Variants in TCF12 observed in about 807,000 individuals in gnomAD.
TCF12 encodes the protein transcription factor 12.
A neutral mutation model predicts 86.0 loss-of-function variants in TCF12; 45 were observed. That is an observed-to-expected ratio of 0.52 (90% CI 0.41 to 0.67). The LOEUF is 0.67. TCF12 is among the 30% of genes least tolerant of loss of function. The pLI is 0.00. For missense variants in TCF12, 881 were observed against 859.9 expected, an observed-to-expected ratio of 1.02 and a Z score of -0.31; for synonymous variants, 330 against 299.6, an observed-to-expected ratio of 1.10 and a Z score of -1.05.
Position 57,197,152 on chromosome 15 carries a change from C to CTTTTTTTTTT in TCF12, c.527-609_527-600dup, listed in dbSNP as rs138145337. ...TATAGTACCTGGCACAGAACAGCTT[C>CTTTTTTTTTT]TTTTTTTTTTTTTTTTTTTTTGAGA... On this transcript the variant is annotated intron_variant, in intron 7 of 20. Coordinates refer to ENST00000333725, the MANE Select transcript of TCF12 (RefSeq NM_207037.2). Among the ~76,000 whole-genome samples, 438 of 87,230 alleles carry CTTTTTTTTTT rather than the reference C, an allele frequency of 5.0e-3. 47 individuals carry two copies. Among genetic ancestry groups the CTTTTTTTTTT allele is most frequent in the African/African-American group, 0.016 (378 of 23,136 alleles). 57.2% of individuals were successfully genotyped at this position (87,230 alleles called of 152,430 possible).
chr15:57,133,903 A>C lies in TCF12; in HGVS notation c.326-32499A>C, dbSNP rs149170633. ...TTCTAATTTGTGCAAGTTTAAAGCAAAATCTGTTCTTTTTTGCTGTTTGTT... is the reference window on the plus strand; with the variant it reads ...TTCTAATTTGTGCAAGTTTAAAGCACAATCTGTTCTTTTTTGCTGTTTGTT... On this transcript the variant is annotated intron_variant, in intron 5 of 20. Coordinates refer to ENST00000333725, the MANE Select transcript of TCF12 (RefSeq NM_207037.2). 2.9e-3 allele frequency among the ~76,000 whole-genome samples: 440 copies of C among 152,284 alleles called. 3 individuals are homozygous for C. Among genetic ancestry groups the C allele is most frequent in the Middle Eastern group, 0.014 (4 of 292 alleles).
chr15:57,158,685 A>G (rs1390652522), intron 5 of TCF12, among the ~76,000 whole-genome samples: 1 of 152,220 alleles, frequency 6.6e-6, no homozygotes, highest in African/African-American at 2.4e-5. Flanking sequence ...TAGAAAAGTG[A>G]TTACAACTGG....
intron 16 of TCF12, among the ~76,000 whole-genome samples, chr15:57,255,649 A>G (rs1490556026): frequency 3.3e-5 from 5 of 152,048 alleles, no homozygotes; most frequent in African/African-American, 1.2e-4. Flanking sequence ...ACGTCCGGCT[A>G]ATTTTTCTGT....
At chr15:57,222,873 A>G (rs1230482521) in intron 8 of TCF12, among the ~76,000 whole-genome samples, 1 of 145,086 alleles carries the variant, frequency 6.9e-6, no homozygotes, top group Non-Finnish European at 1.5e-5. Flanking sequence ...TAAAGATGCT[A>G]CAGAGTATTC....
intron 3 of TCF12, among the ~76,000 whole-genome samples, chr15:56,979,525 C>T (rs2062783740): frequency 6.6e-6 from 1 of 152,104 alleles, no homozygotes; most frequent in African/African-American, 2.4e-5. Context: ...GGAAGGCAAA[C>T]ATTCTGTTGT....
intron 8 of TCF12, among the ~76,000 whole-genome samples, chr15:57,218,798 C>CT (rs1257222851): frequency 1.3e-5 from 2 of 152,086 alleles, no homozygotes; most frequent in Admixed American, 6.6e-5. Context: ...TCAAGATAAT[C>CT]TATCTGATTT....
Position 56,994,463 on chromosome 15 carries a change from C to T in TCF12, c.149-69287C>T, listed in dbSNP as rs147335879. Among the ~76,000 whole-genome samples, 26 of 152,144 alleles carry T rather than the reference C, an allele frequency of 1.7e-4. 1 individual carries two copies. In the East Asian group the frequency reaches 4.8e-3, roughly 28 times the overall value. ...TCACAAATTTATTGAAAGACACAAA[C>T]ATACAGATTCAGAGAATCAGAAATG... is the stretch of plus-strand genomic sequence containing the variant. On this transcript the variant is annotated intron_variant, in intron 3 of 20. Coordinates refer to ENST00000333725, the MANE Select transcript of TCF12 (RefSeq NM_207037.2).
chr15:57,205,975 G>A (rs1219350922), intron 8 of TCF12, among the ~76,000 whole-genome samples: 1 of 152,178 alleles, frequency 6.6e-6, no homozygotes, highest in Non-Finnish European at 1.5e-5. Flanking sequence ...CCTTTTAAAA[G>A]AAGAACATGG....
At chr15:56,947,539 T>C (rs186628231) in intron 3 of TCF12, among the ~76,000 whole-genome samples, 362 of 152,326 alleles carry the variant, frequency 2.4e-3, no homozygotes, top group Non-Finnish European at 4.4e-3. Context: ...GAAATCAGGA[T>C]GATGGTAGAG....
intron 5 of TCF12, among the ~76,000 whole-genome samples, chr15:57,104,029 C>T (rs1251943948): frequency 6.6e-6 from 1 of 152,054 alleles, no homozygotes; most frequent in African/African-American, 2.4e-5. Flanking sequence ...AACAAAAAAA[C>T]ACTTCAAAAT....
At chr15:57,064,389 C>T (rs954128193) in intron 4 of TCF12, among the ~76,000 whole-genome samples, 1 of 151,882 alleles carries the variant, frequency 6.6e-6, no homozygotes, top group Non-Finnish European at 1.5e-5. Flanking sequence ...AAACAAAAAA[C>T]CCCCAAAGCT....
chr15:56,971,025 C>T (rs373185664), intron 3 of TCF12, among the ~76,000 whole-genome samples: 59 of 151,902 alleles, frequency 3.9e-4, no homozygotes, highest in African/African-American at 1.4e-3. Flanking sequence ...CCAGTCTGGG[C>T]GACAAGAGTT....
At chr15:57,112,899 G>A (rs1422843935) in intron 5 of TCF12, among the ~76,000 whole-genome samples, 4 of 152,022 alleles carry the variant, frequency 2.6e-5, no homozygotes, top group African/African-American at 9.7e-5. Flanking sequence ...TTTTATTTGA[G>A]TAGGAAAAAA....
Position 57,158,789 on chromosome 15 carries a change from C to G in TCF12, c.326-7613C>G, listed in dbSNP as rs539257836. On this transcript the variant is annotated intron_variant, in intron 5 of 20. Coordinates refer to ENST00000333725, the MANE Select transcript of TCF12 (RefSeq NM_207037.2). ...TTTCCTATGCTGCTGCCTCATCATTCATAGCTGTGTGAGTAATTTGGCATG... is the reference window on the plus strand; with the variant it reads ...TTTCCTATGCTGCTGCCTCATCATTGATAGCTGTGTGAGTAATTTGGCATG... Among the ~76,000 whole-genome samples, 11 of 152,302 alleles carry G rather than the reference C, an allele frequency of 7.2e-5. No individual in the cohort carries two copies. In the South Asian group the frequency reaches 2.3e-3, roughly 32 times the overall value.
At chr15:57,224,152 A>G (rs1277491600) in intron 8 of TCF12, among the ~76,000 whole-genome samples, 1 of 152,042 alleles carries the variant, frequency 6.6e-6, no homozygotes, top group Admixed American at 6.5e-5. Flanking sequence ...GGTCAACTTT[A>G]TGAATGTTTT....
chr15:57,055,332 C>T (rs982245757), intron 3 of TCF12, among the ~76,000 whole-genome samples: 4 of 152,104 alleles, frequency 2.6e-5, no homozygotes, highest in African/African-American at 4.8e-5. Context: ...AACCTGGAGG[C>T]GGCGGTTGCA....
intron 2 of TCF12, 44 bp from the exon 3 acceptor site, chr15:56,920,982 A>G (rs756513380): frequency 5.4e-6 from 8 of 1,486,556 alleles, no homozygotes; most frequent in Admixed American, 4.1e-5. Flanking sequence ...CAAGGAATCT[A>G]GAAGAATTTC....
chr15:57,126,743 A>G (rs1390945255), intron 5 of TCF12, among the ~76,000 whole-genome samples: 2 of 152,142 alleles, frequency 1.3e-5, no homozygotes, highest in Non-Finnish European at 2.9e-5. Context: ...GTGATTCTCA[A>G]AAGGTCACAG....
intron 5 of TCF12, among the ~76,000 whole-genome samples, chr15:57,120,476 A>T (rs1196432674): frequency 6.6e-6 from 1 of 152,178 alleles, no homozygotes; most frequent in Non-Finnish European, 1.5e-5. Context: ...AGATTACATG[A>T]TCCCTGCCAT....
Sources: gnomAD v4.1 joint callset for allele counts (sites outside exome capture counted in the v4.1 genomes callset) on GRCh38, gnomAD v4.1.1 for gene constraint, MANE v1.5 for transcripts, NCBI Gene and HGNC (gene_info 2026-07-23, HGNC 2026-07-21) for gene names.